EYA4: variants seen among roughly 807,000 people sequenced by gnomAD.
EYA4 encodes the protein protein phosphatase EYA4.
Under a neutral mutation model 87.9 loss-of-function variants are expected in EYA4, and 31 were observed. The ratio of observed to expected loss-of-function variants is 0.35; its 90% CI spans 0.27 to 0.48. EYA4 has a LOEUF of 0.48. Ranked by LOEUF, EYA4 falls within the 20% of genes least tolerant of loss-of-function variation. The pLI is 0.99. For synonymous variants in EYA4, 263 were observed against 270.6 expected, an observed-to-expected ratio of 0.97 and a Z score of 0.28; for missense variants, 678 against 761.4, an observed-to-expected ratio of 0.89 and a Z score of 1.29.
intron 3 of EYA4, among the ~76,000 whole-genome samples, chr6:133,413,889 G>T (rs1022344953): frequency 2.0e-5 from 3 of 152,106 alleles, no homozygotes; most frequent in Admixed American, 2.0e-4. Context: ...TCTTATCTTG[G>T]TGCATCGTGC....
chr6:133,297,358 A>G (rs1339251667), intron 2 of EYA4, among the ~76,000 whole-genome samples: 1 of 152,152 alleles, frequency 6.6e-6, no homozygotes, highest in Non-Finnish European at 1.5e-5. Context: ...TTTGATCCCA[A>G]ATTGAATATT....
chr6:133,437,926 G>A (rs1455961656), intron 3 of EYA4, among the ~76,000 whole-genome samples: 1 of 152,204 alleles, frequency 6.6e-6, no homozygotes, highest in East Asian at 1.9e-4. Context: ...ATGAGATTTG[G>A]GTGGGGACAC....
intron 2 of EYA4, among the ~76,000 whole-genome samples, chr6:133,288,912 GA>G (rs1778273811): frequency 6.6e-6 from 1 of 152,174 alleles, no homozygotes; most frequent in Non-Finnish European, 1.5e-5. Context: ...TTCTTGACCA[GA>G]AGGTTACTGG....
At chr6:133,291,368 T>A (rs1391651102) in intron 2 of EYA4, among the ~76,000 whole-genome samples, 1 of 152,216 alleles carries the variant, frequency 6.6e-6, no homozygotes, top group Non-Finnish European at 1.5e-5. Flanking sequence ...TCTGAATAGC[T>A]CCTTCATCAA....
At chr6:133,514,286 T>C (rs1562507603) in intron 16 of EYA4, among the ~76,000 whole-genome samples, 1 of 152,246 alleles carries the variant, frequency 6.6e-6, no homozygotes, top group Non-Finnish European at 1.5e-5. Context: ...GTAGATTTTC[T>C]AGTTAAAATC....
At chr6:133,327,250 G>A (rs1781569522) in intron 2 of EYA4, among the ~76,000 whole-genome samples, 1 of 151,948 alleles carries the variant, frequency 6.6e-6, no homozygotes, top group Non-Finnish European at 1.5e-5. Flanking sequence ...CAGTCCTCCT[G>A]TGTCACCCTC....
chr6:133,267,057 A>G (rs1776281034), intron 1 of EYA4, among the ~76,000 whole-genome samples: 1 of 152,202 alleles, frequency 6.6e-6, no homozygotes, highest in African/African-American at 2.4e-5. Flanking sequence ...AAGAAGTGAA[A>G]GAGGCCATTT....
intron 3 of EYA4, among the ~76,000 whole-genome samples, chr6:133,416,200 G>A (rs1789698879): frequency 6.6e-6 from 1 of 152,196 alleles, no homozygotes; most frequent in Non-Finnish European, 1.5e-5. Flanking sequence ...ATCAATAATG[G>A]ATTTGAAGAA....
chr6:133,527,902 C>A (rs1227718775), intron 19 of EYA4, among the ~76,000 whole-genome samples: 2 of 152,108 alleles, frequency 1.3e-5, no homozygotes, highest in Middle Eastern at 3.4e-3. Context: ...AGTGTTTTTT[C>A]TTTTTCATTA....
Position 133,512,784 on chromosome 6 carries a change from G to A in EYA4, c.1340+5G>A. On this transcript the variant is annotated splice_donor_5th_base_variant and intron_variant, in intron 15 of 19. Coordinates refer to ENST00000355286, the MANE Select transcript of EYA4 (RefSeq NM_004100.5). ...TGATAATGGGCAGGACTTAAGGTAA[G>A]CTATGCCTTTCAGTATGCTGTTTCC... 1.2e-6 allele frequency: 2 copies of A among 1,612,922 alleles called. No homozygotes were observed. The highest frequency in any genetic ancestry group is 1.7e-6 in the Non-Finnish European group (2 of 1,178,846).
chr6:133,401,222 T>C (rs1037236456), intron 3 of EYA4, among the ~76,000 whole-genome samples: 2 of 152,080 alleles, frequency 1.3e-5, no homozygotes, highest in Admixed American at 6.6e-5. Context: ...AGATTGTAGA[T>C]TGGTGTTTAC....
rs1583494009 is a variant in EYA4, at chr6:133,506,328, G to T, written c.1281+133G>T. ...AAGAGAAGCATAAAGTTCTTGTCAAGAGGAAAAATTGTATATACAAATATA... is the reference window on the plus strand; with the variant it reads ...AAGAGAAGCATAAAGTTCTTGTCAATAGGAAAAATTGTATATACAAATATA... On this transcript the variant is annotated intron_variant, in intron 14 of 19. Transcript: ENST00000355286. 1.3e-5 allele frequency: 8 copies of T among 609,494 alleles called. No homozygotes were observed. In the East Asian group the frequency reaches 2.3e-4, roughly 17 times the overall value. The allele number at this position is 609,494 out of a possible 1,614,324, so 37.8% of individuals were successfully genotyped here.
Position 133,483,125 on chromosome 6 carries a change from C to A in EYA4, c.1191+10C>A. 6.3e-7 allele frequency: 1 copy of A among 1,589,894 alleles called. No individual in the cohort carries two copies. Among genetic ancestry groups the A allele is most frequent in the South Asian group, 1.1e-5 (1 of 90,380 alleles). ...ACAGAAGTATGGCAAGGTAAGAAAT[C>A]AAGAAATGTTACTCCAAGAAATCTT... On this transcript the variant is annotated intron_variant, in intron 13 of 19. Transcript: ENST00000355286.
chr6:133,352,802 A>G (rs116268314), intron 2 of EYA4, among the ~76,000 whole-genome samples: 1,985 of 152,254 alleles, frequency 0.013, 33 homozygotes, highest in African/African-American at 0.044. Flanking sequence ...CAAGCTTAAT[A>G]AAAGGAAGAA....
intron 3 of EYA4, among the ~76,000 whole-genome samples, chr6:133,432,937 A>G (rs1791319805): frequency 6.6e-6 from 1 of 151,548 alleles, no homozygotes; most frequent in Non-Finnish European, 1.5e-5. Context: ...ACCCGAGAAG[A>G]TATTTGGAAA....
chr6:133,267,551 T>A (rs1452059531), intron 1 of EYA4, among the ~76,000 whole-genome samples: 1 of 151,960 alleles, frequency 6.6e-6, no homozygotes, highest in Non-Finnish European at 1.5e-5. Flanking sequence ...CCCGGCTAAT[T>A]TTTTGTATTT....
intron 1 of EYA4, among the ~76,000 whole-genome samples, chr6:133,245,783 G>A (rs565122344): frequency 1.3e-5 from 2 of 152,214 alleles, no homozygotes; most frequent in South Asian, 4.1e-4. Context: ...ATGAACAAGA[G>A]TTACACATTC....
intron 1 of EYA4, chr6:133,247,048 C>T (rs1774466072): frequency 6.6e-6 from 1 of 152,014 alleles, no homozygotes; most frequent in African/African-American, 2.4e-5. Context: ...GTAAGGATAA[C>T]TAGATATTAG....
rs151076685 is a variant in EYA4, at chr6:133,450,779, G to T, written c.277+2600G>T. On this transcript the variant is annotated intron_variant, in intron 5 of 19. Transcript: ENST00000355286. Reference sequence around the variant, plus strand: ...GACTACCTAGGCCTCCCAAAGTGTCGGGATTACAGGCGTGGGCCACTACAC... The same window carrying T: ...GACTACCTAGGCCTCCCAAAGTGTCTGGATTACAGGCGTGGGCCACTACAC... Among the ~76,000 whole-genome samples the T allele has an allele frequency of 3.0e-3, 451 of 152,304 alleles. 2 individuals carry two copies. The highest frequency in any genetic ancestry group is 0.027 in the Middle Eastern group (8 of 294).
Sources: gnomAD v4.1 joint callset for allele counts (sites outside exome capture counted in the v4.1 genomes callset) on GRCh38, gnomAD v4.1.1 for gene constraint, MANE v1.5 for transcripts, NCBI Gene and HGNC (gene_info 2026-07-23, HGNC 2026-07-21) for gene names.